Variants in VTCN1 observed in about 807,000 individuals in gnomAD.
VTCN1 encodes V-set domain-containing T-cell activation inhibitor 1.
VTCN1 carries 26 observed loss-of-function variants against 26.5 expected under a neutral mutation model. The observed-to-expected ratio is 0.98, with a 90% CI of 0.72 to 1.36. The LOEUF (loss-of-function observed/expected upper bound fraction) is 1.36. Among genes scored for constraint, VTCN1 ranks in the 40% most tolerant of loss-of-function variants. VTCN1 has a pLI of 0.00. For missense variants in VTCN1, 298 were observed against 337.7 expected, an observed-to-expected ratio of 0.88 and a Z score of 0.92; for synonymous variants, 116 against 130.7, an observed-to-expected ratio of 0.89 and a Z score of 0.77.
chr1:117,193,360 T>C (rs1006156258), intron 1 of VTCN1, among the ~76,000 whole-genome samples: 3 of 152,144 alleles, frequency 2.0e-5, no homozygotes, highest in African/African-American at 7.2e-5. Flanking sequence ...CTACAAGAAA[T>C]TCATTTTACC....
At chr1:117,193,915 A>T (rs538160799) in intron 1 of VTCN1, among the ~76,000 whole-genome samples, 1 of 152,282 alleles carries the variant, frequency 6.6e-6, no homozygotes, top group East Asian at 1.9e-4. Context: ...AACTCAAACT[A>T]CCAGAAGAAA....
chr1:117,152,748 G>A (rs1474766056), intron 4 of VTCN1, among the ~76,000 whole-genome samples: 1 of 152,286 alleles, frequency 6.6e-6, no homozygotes, highest in East Asian at 1.9e-4. Flanking sequence ...ACATATCAAA[G>A]ATGTCAAGTA....
At chr1:117,162,876 T>C (rs755228226) in intron 2 of VTCN1, among the ~76,000 whole-genome samples, 9 of 152,216 alleles carry the variant, frequency 5.9e-5, no homozygotes, top group Non-Finnish European at 1.3e-4. Flanking sequence ...GAAACTATGA[T>C]GCTGGGGCAG....
chr1:117,172,900 T>A (rs1237610693), intron 1 of VTCN1, among the ~76,000 whole-genome samples: 1 of 152,156 alleles, frequency 6.6e-6, no homozygotes, highest in African/African-American at 2.4e-5. Flanking sequence ...ATCAGCAGGA[T>A]GTGGGTGAGG....
intron 1 of VTCN1, among the ~76,000 whole-genome samples, chr1:117,202,572 G>C (rs1425165038): frequency 6.6e-6 from 1 of 152,226 alleles, no homozygotes; most frequent in Non-Finnish European, 1.5e-5. Context: ...AATCCATCTA[G>C]AGTAAGTTGA....
chr1:117,172,846 A>C (rs1557868182), intron 1 of VTCN1, among the ~76,000 whole-genome samples: 2 of 151,722 alleles, frequency 1.3e-5, no homozygotes, highest in African/African-American at 2.4e-5. Context: ...GTATTTAGCT[A>C]AAGGATTGTA....
chr1:117,156,597 G>C lies in VTCN1; in HGVS notation c.422C>G (p.Ala141Gly). The C allele has an allele frequency of 6.2e-7, 1 of 1,600,316 alleles. No homozygotes were observed. The highest frequency in any genetic ancestry group is 8.5e-7 in the Non-Finnish European group (1 of 1,173,022). Residue 141 changes from alanine to glycine, a missense_variant, in exon 3 of 6, where the codon GCT becomes GGT. Physicochemically the swap from Ala to Gly is moderately conservative, Grantham distance 60 (BLOSUM62 0). Transcript: ENST00000369458. Reference sequence around the variant, plus strand: ...ACCTCCAGTTTTATACTCAAGGTTAGCATTCCCCTTGCCTTTAGAAGTGAT... The same window carrying C: ...ACCTCCAGTTTTATACTCAAGGTTACCATTCCCCTTGCCTTTAGAAGTGAT... ...YIITSKGKGN[A>G]NLEYKTGAFS...
At chr1:117,150,186 T>C (rs1228614993) in intron 4 of VTCN1, among the ~76,000 whole-genome samples, 2 of 152,220 alleles carry the variant, frequency 1.3e-5, no homozygotes, top group South Asian at 2.1e-4. Context: ...GGCCTAGGTA[T>C]GGGCAGCTGA....
intron 1 of VTCN1, among the ~76,000 whole-genome samples, chr1:117,171,291 G>A (rs1359710664): frequency 2.0e-5 from 3 of 152,108 alleles, no homozygotes; most frequent in Non-Finnish European, 4.4e-5. Flanking sequence ...CTTTGGTATT[G>A]TAAATAGTGC....
intron 1 of VTCN1, among the ~76,000 whole-genome samples, chr1:117,181,855 C>G (rs796476594): frequency 1.3e-5 from 2 of 152,138 alleles, no homozygotes; most frequent in African/African-American, 2.4e-5. Context: ...CATCAGTCAC[C>G]CTGGTCATCA....
At chr1:117,182,812 A>G (rs1179886794) in intron 1 of VTCN1, among the ~76,000 whole-genome samples, 2 of 152,038 alleles carry the variant, frequency 1.3e-5, no homozygotes, top group Non-Finnish European at 2.9e-5. Context: ...GTTTTCTTCT[A>G]TAGATTTCAA....
rs181786382 is a variant in VTCN1, at chr1:117,184,641, A to C, written c.33-14470T>G. Among the ~76,000 whole-genome samples the C allele has an allele frequency of 5.9e-3, 901 of 152,250 alleles. 12 individuals are homozygous for C. Among genetic ancestry groups the C allele is most frequent in the Non-Finnish European group, 7.5e-3 (508 of 68,018 alleles). ...CTTCAGGGAAGAATATTTAAAGTCC[A>C]GGGAGGAAGCTCCTTTCTTCACTTG... On this transcript the variant is annotated intron_variant, in intron 1 of 5. Coordinates refer to ENST00000369458, the MANE Select transcript of VTCN1 (RefSeq NM_024626.4).
At chr1:117,195,601 C>A (rs192031051) in intron 1 of VTCN1, among the ~76,000 whole-genome samples, 147 of 152,018 alleles carry the variant, frequency 9.7e-4, no homozygotes, top group Non-Finnish European at 7.5e-4. Context: ...TTTTCTTTTT[C>A]AATATGTTGG....
Position 117,175,883 on chromosome 1 carries a change from G to A in VTCN1, c.33-5712C>T, listed in dbSNP as rs901710530. 2.0e-5 allele frequency among the ~76,000 whole-genome samples: 3 copies of A among 150,652 alleles called. No individual in the cohort carries two copies. The highest frequency in any genetic ancestry group is 6.7e-5 in the Admixed American group (1 of 15,004). On this transcript the variant is annotated intron_variant, in intron 1 of 5. Transcript: ENST00000369458. This position sits in a 1 kb window ranked among gnomAD's most constrained non-coding sequence, Gnocchi z 4.2. ...CCTCCCAGGTTCAAGCGATTCTCCC[G>A]TCTCAGCTTCCCGAGTAGCTGGGAT... is the stretch of plus-strand genomic sequence containing the variant.
At position 117,161,309 on chromosome 1, in the gene VTCN1, T is replaced by C. The variant is rs1046195694; in HGVS notation, c.98-4388A>G. ...TGCTGTTCATCTTGTACCTATTAAT[T>C]CATAGCTCACACTTCTTTAACACCA... On this transcript the variant is annotated intron_variant, in intron 2 of 5. Transcript: ENST00000369458. This position sits in a 1 kb window ranked among gnomAD's most constrained non-coding sequence, Gnocchi z 4.3. Among the ~76,000 whole-genome samples, 3 of 152,212 alleles carry C rather than the reference T, an allele frequency of 2.0e-5. No homozygotes were observed. The highest frequency in any genetic ancestry group is 7.2e-5 in the African/African-American group (3 of 41,450).
chr1:117,197,658 G>C (rs902364257), intron 1 of VTCN1, among the ~76,000 whole-genome samples: 2 of 152,072 alleles, frequency 1.3e-5, no homozygotes, highest in Non-Finnish European at 2.9e-5. Flanking sequence ...TGCTTGGCCT[G>C]CTCCCACCCT....
chr1:117,205,087 G>GTATATA (rs1648979704), intron 1 of VTCN1, among the ~76,000 whole-genome samples: 1 of 9,416 alleles, frequency 1.1e-4, no homozygotes, highest in Admixed American at 2.7e-3. Context: ...ACATGTATAT[G>GTATATA]TATGTATGTA....
At position 117,170,160 on chromosome 1, in the gene VTCN1, A is replaced by C; in HGVS notation, c.44T>G (p.Ile15Ser). ...AATTGCTCCAGCCAGAATAATGATG[A>C]TGCTAATTATGCTACGGGAAGAGAG... ...GQILFWSIISIIIILAGAIAL... is the reference protein window; with the variant it reads ...GQILFWSIISSIIILAGAIAL... Residue 15 changes from isoleucine (I) to serine (S), a missense_variant, in exon 2 of 6, where the codon ATC (isoleucine) becomes AGC (serine). Ile to Ser is a moderately radical substitution (Grantham distance 142). Transcript: ENST00000369458. The C allele has an allele frequency of 2.5e-6, 4 of 1,613,842 alleles. No individual in the cohort carries two copies. The highest frequency in any genetic ancestry group is 3.4e-6 in the Non-Finnish European group (4 of 1,179,906).
intron 2 of VTCN1, among the ~76,000 whole-genome samples, chr1:117,164,369 C>T (rs573272722): frequency 1.6e-4 from 24 of 151,278 alleles, no homozygotes; most frequent in African/African-American, 3.2e-4. Flanking sequence ...GGTGGGGTTG[C>T]GGGGGCGATA....
Sources: gnomAD v4.1 joint callset for allele counts (sites outside exome capture counted in the v4.1 genomes callset) on GRCh38, gnomAD v4.1.1 for gene constraint, Gnocchi (gnomAD v3.1) non-coding constraint, MANE v1.5 for transcripts, NCBI Gene and HGNC (gene_info 2026-07-23, HGNC 2026-07-21) for gene names.